The following ZCWPW2 variants were observed in gnomAD, a reference collection of about 807,000 sequenced individuals.
ZCWPW2 encodes the protein zinc finger CW-type and PWWP domain containing 2.
Under a neutral mutation model 46.6 loss-of-function variants are expected in ZCWPW2, and 45 were observed. That is an observed-to-expected ratio of 0.96 (90% CI 0.76 to 1.24). The LOEUF is 1.24. ZCWPW2 is among the 50% of genes most tolerant of loss of function. The pLI is 0.00. For missense variants in ZCWPW2, 429 were observed against 403.9 expected (o/e 1.06, Z -0.53); for synonymous variants, 152 against 137.1 (o/e 1.11, Z -0.76).
chr3:28,360,373 A>AAAAAAAC (rs1704894299), intron 1 of ZCWPW2, among the ~76,000 whole-genome samples: 1 of 138,988 alleles, frequency 7.2e-6, no homozygotes, highest in Non-Finnish European at 1.6e-5. Flanking sequence ...AAAAAAAAAA[A>AAAAAAAC]ATAGCCAGGC....
chr3:28,461,291 A>G (rs1341348949), intron 4 of ZCWPW2, among the ~76,000 whole-genome samples: 2 of 152,116 alleles, frequency 1.3e-5, no homozygotes, highest in Non-Finnish European at 2.9e-5. Flanking sequence ...CATACTAAGA[A>G]CATTTGATTG....
At chr3:28,453,846 A>AT (rs1698322797) in intron 4 of ZCWPW2, among the ~76,000 whole-genome samples, 1 of 144,024 alleles carries the variant, frequency 6.9e-6, no homozygotes, top group Non-Finnish European at 1.5e-5. Context: ...TATTTTTTTT[A>AT]TTATTATTTT....
intron 6 of ZCWPW2, among the ~76,000 whole-genome samples, chr3:28,509,602 G>A (rs1347968163): frequency 1.3e-5 from 2 of 151,994 alleles, no homozygotes; most frequent in Non-Finnish European, 2.9e-5. Flanking sequence ...GCATCTTTTT[G>A]TGTGCTTATT....
intron 4 of ZCWPW2, among the ~76,000 whole-genome samples, chr3:28,437,319 T>C (rs1697542460): frequency 6.6e-6 from 1 of 152,192 alleles, no homozygotes; most frequent in African/African-American, 2.4e-5. Flanking sequence ...AAATTAATTC[T>C]TCTAAATTAA....
In ZCWPW2 at chr3:28,455,823, A is replaced by G. The variant is rs116983647; in HGVS notation, c.492+20554A>G. On this transcript the variant is annotated intron_variant, in intron 4 of 9. Transcript: ENST00000383768. ...GTGGGGCCTTATTTCTGGGTTCTTT[A>G]TTATGTTTCATTGGTCTATGTGTCT... Among the ~76,000 whole-genome samples the G allele has an allele frequency of 1.8e-3, 279 of 151,864 alleles. 2 individuals are homozygous for G. The highest frequency in any genetic ancestry group is 0.015 in the East Asian group (77 of 5,166).
At chr3:28,485,862 G>A (rs1699582153) in intron 5 of ZCWPW2, among the ~76,000 whole-genome samples, 1 of 151,632 alleles carries the variant, frequency 6.6e-6, no homozygotes, top group Admixed American at 6.6e-5. Flanking sequence ...CTTTGTTACT[G>A]TTTTTGTCTT....
rs745601879 is a variant in ZCWPW2, at chr3:28,439,096, T to TAC, written c.492+3840_492+3841dup. Among the ~76,000 whole-genome samples, 472 of 143,982 alleles carry TAC rather than the reference T, an allele frequency of 3.3e-3. 1 individual carries two copies. Among genetic ancestry groups the TAC allele is most frequent in the Middle Eastern group, 7.6e-3 (2 of 262 alleles). The allele number at this position is 143,982 out of a possible 152,430, so 94.5% of individuals were successfully genotyped here. A position where few individuals can be genotyped will look rare whatever the true frequency, so the allele number is the denominator to read the frequency against. Reference sequence around the variant, plus strand: ...GTATACACATATATATACACATATATACACACACACACACCATAGGATATA... The same window carrying TAC: ...GTATACACATATATATACACATATATACACACACACACACACCATAGGATATA... On this transcript the variant is annotated intron_variant, in intron 4 of 9. Coordinates refer to ENST00000383768, the MANE Select transcript of ZCWPW2 (RefSeq NM_001040432.4).
intron 6 of ZCWPW2, among the ~76,000 whole-genome samples, chr3:28,510,839 T>C (rs1288347857): frequency 6.6e-6 from 1 of 152,140 alleles, no homozygotes; most frequent in Admixed American, 6.6e-5. Flanking sequence ...CATGAGAAGA[T>C]GATGATGTAC....
chr3:28,469,227 A>G lies in ZCWPW2; in HGVS notation c.493-9587A>G, dbSNP rs533764315. On this transcript the variant is annotated intron_variant, in intron 4 of 9. Transcript: ENST00000383768. Reference sequence around the variant, plus strand: ...AAATCAAAAAACATACAACAGGTACACAAATTAAAAAGCAATAAATTTAAG... The same window carrying G: ...AAATCAAAAAACATACAACAGGTACGCAAATTAAAAAGCAATAAATTTAAG... 1.2e-3 allele frequency among the ~76,000 whole-genome samples: 181 copies of G among 152,306 alleles called. 1 individual carries two copies. Among genetic ancestry groups the G allele is most frequent in the African/African-American group, 4.0e-3 (166 of 41,560 alleles).
intron 3 of ZCWPW2, among the ~76,000 whole-genome samples, chr3:28,414,687 T>C (rs1241492199): frequency 8.8e-6 from 1 of 113,636 alleles, no homozygotes; most frequent in East Asian, 2.6e-4. Context: ...AATTCCCACC[T>C]ATGAGTGAGA....
chr3:28,488,326 A>G (rs1575197133), intron 5 of ZCWPW2, among the ~76,000 whole-genome samples: 2 of 152,100 alleles, frequency 1.3e-5, no homozygotes, highest in South Asian at 2.1e-4. Context: ...CTGTGACCCC[A>G]CTTCTCCAAA....
rs566859016 is a variant in ZCWPW2 at position 28,507,427 on chromosome 3, A to G, written c.658-6637A>G. ...ATTTAAGATGATACTTAATAACAATATAGAAATAATAGCTCTACATTGTCT... is the reference window on the plus strand; with the variant it reads ...ATTTAAGATGATACTTAATAACAATGTAGAAATAATAGCTCTACATTGTCT... On this transcript the variant is annotated intron_variant, in intron 6 of 9. Transcript: ENST00000383768. Among the ~76,000 whole-genome samples, 8 of 152,216 alleles carry G rather than the reference A, an allele frequency of 5.3e-5. No individual in the cohort carries two copies. The South Asian group carries it at 1.5e-3, about 28-fold the overall frequency.
At chr3:28,461,763 T>TAATA (rs1360041369) in intron 4 of ZCWPW2, 1 of 152,156 alleles carries the variant, frequency 6.6e-6, no homozygotes, top group Non-Finnish European at 1.5e-5. Flanking sequence ...ATAAGACATG[T>TAATA]AATAAATAAA....
Position 28,356,112 on chromosome 3 carries a change from G to A in ZCWPW2, c.-134+6909G>A, listed in dbSNP as rs571679525. On this transcript the variant is annotated intron_variant, in intron 1 of 9. Transcript: ENST00000383768. ...TTTGCAATCTACTCATCTGACAAAG[G>A]GCTAATATCCAGAATCGACGAAGAA... 2.6e-5 allele frequency among the ~76,000 whole-genome samples: 4 copies of A among 152,238 alleles called. No individual in the cohort carries two copies. In the South Asian group the frequency reaches 6.2e-4, roughly 24 times the overall value.
intron 4 of ZCWPW2, among the ~76,000 whole-genome samples, chr3:28,468,855 A>C (rs1327283496): frequency 2.0e-5 from 3 of 152,226 alleles, no homozygotes; most frequent in Non-Finnish European, 4.4e-5. Context: ...GATCTTCCTG[A>C]GCAATACAAC....
chr3:28,447,615 T>C, intron 4 of ZCWPW2: 1 of 242,304 alleles, frequency 4.1e-6, no homozygotes, highest in East Asian at 7.4e-5. Context: ...GATGCCAACT[T>C]TCACCATTCT....
chr3:28,387,082 C>G (rs1454870095), intron 1 of ZCWPW2, among the ~76,000 whole-genome samples: 1 of 152,186 alleles, frequency 6.6e-6, no homozygotes, highest in African/African-American at 2.4e-5. Flanking sequence ...CAACAGGCAT[C>G]TCTGTTGCTT....
intron 1 of ZCWPW2, among the ~76,000 whole-genome samples, chr3:28,376,337 A>T (rs1705499695): frequency 6.6e-6 from 1 of 152,118 alleles, no homozygotes; most frequent in East Asian, 1.9e-4. Context: ...CTTTAACTCC[A>T]TTCCTCTCAC....
chr3:28,362,086 A>C lies in ZCWPW2; in HGVS notation c.-134+12883A>C, dbSNP rs185796377. On this transcript the variant is annotated intron_variant, in intron 1 of 9. Coordinates refer to ENST00000383768, the MANE Select transcript of ZCWPW2 (RefSeq NM_001040432.4). ...ATATCTATATTCTCGTGTTCATTGC[A>C]GTCGCTCACAGTGACCAAAAGGTGG... 6.0e-3 allele frequency among the ~76,000 whole-genome samples: 912 copies of C among 152,310 alleles called. 9 individuals carry two copies. Among genetic ancestry groups the C allele is most frequent in the Middle Eastern group, 0.01 (3 of 294 alleles).
Sources: gnomAD v4.1 joint callset for allele counts (sites outside exome capture counted in the v4.1 genomes callset) on GRCh38, gnomAD v4.1.1 for gene constraint, MANE v1.5 for transcripts, NCBI Gene and HGNC (gene_info 2026-07-23, HGNC 2026-07-21) for gene names.